TCP10L: variants seen among roughly 807,000 people sequenced by gnomAD.
The protein encoded by TCP10L is t-complex 10 like.
Under a neutral mutation model 19.2 loss-of-function variants are expected in TCP10L, and 11 were observed. The ratio of observed to expected loss-of-function variants is 0.57; its 90% CI spans 0.36 to 0.95. The LOEUF (loss-of-function observed/expected upper bound fraction) is 0.95. Among genes scored for constraint, TCP10L ranks in the 40% least tolerant of loss-of-function variants. The pLI is 0.01. For synonymous variants in TCP10L, 96 were observed against 97.2 expected, an observed-to-expected ratio of 0.99 and a Z score of 0.07; for missense variants, 247 against 263.9, an observed-to-expected ratio of 0.94 and a Z score of 0.44.
At chr21:32,580,958 C>A (rs1313298436) in intron 3 of TCP10L, among the ~76,000 whole-genome samples, 2 of 152,200 alleles carry the variant, frequency 1.3e-5, no homozygotes, top group East Asian at 3.8e-4. Context: ...GAACGGGGTC[C>A]CTGGCTAGGG....
intron 4 of TCP10L, 78 bp from the exon 5 acceptor site, chr21:32,577,001 G>A: frequency 7.1e-7 from 1 of 1,413,710 alleles, no homozygotes; most frequent in Non-Finnish European, 9.7e-7. Context: ...CATCATACCA[G>A]CTATCACAGA....
In TCP10L at chr21:32,576,325, TG is replaced by T; in HGVS notation, c.*448del. 6.6e-7 allele frequency: 1 copy of T among 1,524,624 alleles called. No homozygotes were observed. The highest frequency in any genetic ancestry group is 9.0e-7 in the Non-Finnish European group (1 of 1,112,802). 94.4% of individuals were successfully genotyped at this position (1,524,624 alleles called of 1,614,324 possible). ...ACTTCGGGAAGATGGATGCATAGCC[TG>T]GGGCAATGACAGTCACAGGCCCGCC... On this transcript the variant is annotated 3_prime_UTR_variant, in exon 5 of 5. Coordinates refer to ENST00000300258, the MANE Select transcript of TCP10L (RefSeq NM_144659.7).
chr21:32,580,099 T>TTTTG (rs978393061), intron 3 of TCP10L, among the ~76,000 whole-genome samples: 1 of 152,076 alleles, frequency 6.6e-6, no homozygotes, highest in Non-Finnish European at 1.5e-5. Flanking sequence ...TGGCAGTTTT[T>TTTTG]TTTGTTTGTT....
At position 32,574,540 on chromosome 21, in the gene TCP10L, C is replaced by T. The variant is rs1340516416; in HGVS notation, c.*2234G>A. On this transcript the variant is annotated 3_prime_UTR_variant, in exon 5 of 5. Coordinates refer to ENST00000300258, the MANE Select transcript of TCP10L (RefSeq NM_144659.7). The stretch of plus-strand genomic sequence containing the variant: ...TCAGGTCTCCCTCAGGGGAACCTGG[C>T]GGGCCACCCTTGCAGAAGCCACTCA... 3.0e-5 allele frequency: 5 copies of T among 167,280 alleles called. No homozygotes were observed. Among genetic ancestry groups the T allele is most frequent in the Admixed American group, 1.3e-4 (2 of 15,300 alleles). The allele number at this position is 167,280 out of a possible 1,614,324, so 10.4% of individuals were successfully genotyped here.
At chr21:32,581,908 T>A (rs1276801266) in intron 3 of TCP10L, among the ~76,000 whole-genome samples, 1 of 152,172 alleles carries the variant, frequency 6.6e-6, no homozygotes, top group African/African-American at 2.4e-5. Flanking sequence ...AGTAAGGGTT[T>A]GCTGCTGTTG....
Position 32,578,479 on chromosome 21 carries a change from C to T in TCP10L, c.498+215G>A, listed in dbSNP as rs554342585. Among the ~76,000 whole-genome samples the T allele has an allele frequency of 5.3e-5, 8 of 152,304 alleles. No homozygotes were observed. Among genetic ancestry groups the T allele is most frequent in the South Asian group, 2.1e-4 (1 of 4,826 alleles). ...GTGAGTGTACTCAGAGGGAAGCAGCCGGGAGGACTTGGAATCTGCTCCACA... is the reference window on the plus strand; with the variant it reads ...GTGAGTGTACTCAGAGGGAAGCAGCTGGGAGGACTTGGAATCTGCTCCACA... On this transcript the variant is annotated intron_variant, in intron 4 of 4. Coordinates refer to ENST00000300258, the MANE Select transcript of TCP10L (RefSeq NM_144659.7). This position sits in a 1 kb window ranked among gnomAD's most constrained non-coding sequence, Gnocchi z 4.2.
intron 3 of TCP10L, among the ~76,000 whole-genome samples, chr21:32,580,220 C>T (rs879590308): frequency 6.6e-6 from 1 of 152,142 alleles, no homozygotes; most frequent in African/African-American, 2.4e-5. Flanking sequence ...ATTCTCCAGC[C>T]TCAGCCTCCC....
In TCP10L at chr21:32,578,742, G is replaced by C; in HGVS notation, c.450C>G (p.Ala150=). The C allele has an allele frequency of 6.2e-7, 1 of 1,614,152 alleles. No homozygotes were observed. Among genetic ancestry groups the C allele is most frequent in the Non-Finnish European group, 8.5e-7 (1 of 1,180,022 alleles). Residue 150 remains alanine (A), a synonymous_variant, in exon 4 of 5, where the codon GCC becomes GCG. Coordinates refer to ENST00000300258, the MANE Select transcript of TCP10L (RefSeq NM_144659.7). The surrounding 1 kb of genome is among the most constrained non-coding windows in gnomAD (Gnocchi z 4.2). ...ATGACGATCTTTGTCCCAGGAGAGTGGCACTCTGATTCTTGTGGCCAGCGT... is the reference window on the plus strand; with the variant it reads ...ATGACGATCTTTGTCCCAGGAGAGTCGCACTCTGATTCTTGTGGCCAGCGT... ...PKYAGHKNQS[A]TLLGQRSSSN...
At position 32,578,236 on chromosome 21, in the gene TCP10L, G is replaced by C. The variant is rs1389987933; in HGVS notation, c.498+458C>G. 1.3e-5 allele frequency among the ~76,000 whole-genome samples: 2 copies of C among 152,228 alleles called. No homozygotes were observed. Among genetic ancestry groups the C allele is most frequent in the Non-Finnish European group, 2.9e-5 (2 of 68,038 alleles). ...CCAACAAGAGACAAAATAGCATCCT[G>C]TACTGTGGCTCCCAAGCTAACAGCG... is the stretch of plus-strand genomic sequence containing the variant. On this transcript the variant is annotated intron_variant, in intron 4 of 4. Transcript: ENST00000300258. The surrounding 1 kb of genome is among the most constrained non-coding windows in gnomAD (Gnocchi z 4.2).
At chr21:32,583,980 G>A (rs577536170) in intron 2 of TCP10L, among the ~76,000 whole-genome samples, 181 bp downstream of exon 2, 60 of 152,348 alleles carry the variant, frequency 3.9e-4, no homozygotes, top group African/African-American at 1.4e-3. Context: ...TCCACCAAGA[G>A]ATACGGTTGC....
Position 32,582,364 on chromosome 21 carries a change from A to G in TCP10L, c.196T>C (p.Ser66Pro). Reference protein sequence around the residue: ...RLHQELGRQKSLWADVHGKLR... With the variant: ...RLHQELGRQKPLWADVHGKLR... ...TTTCCATGAACATCAGCCCACAGAG[A>G]CTTCTGTCTCCCAAGCTCTTGGTGG... Residue 66 changes from serine (S) to proline (P), a missense_variant, in exon 3 of 5, where the codon TCT (serine) becomes CCT (proline). Physicochemically the swap from Ser to Pro is moderately conservative, Grantham distance 74. Transcript: ENST00000300258. The surrounding 1 kb of genome is among the most constrained non-coding windows in gnomAD (Gnocchi z 4.2). The G allele has an allele frequency of 6.2e-7, 1 of 1,613,322 alleles. No individual in the cohort carries two copies. The highest frequency in any genetic ancestry group is 8.5e-7 in the Non-Finnish European group (1 of 1,179,812).
chr21:32,576,960 C>T, intron 4 of TCP10L, 37 bp from the exon 5 acceptor site: 1 of 1,584,466 alleles, frequency 6.3e-7, no homozygotes, highest in African/African-American at 1.4e-5. Flanking sequence ...GCATTAGTAA[C>T]AATTATATTA....
chr21:32,580,735 A>G (rs2038484422), intron 3 of TCP10L, among the ~76,000 whole-genome samples: 1 of 152,220 alleles, frequency 6.6e-6, no homozygotes, highest in South Asian at 2.1e-4. Flanking sequence ...CAGGAAACAG[A>G]ACCCAGACAA....
intron 4 of TCP10L, among the ~76,000 whole-genome samples, chr21:32,577,896 A>C (rs2038452359): frequency 6.6e-6 from 1 of 152,228 alleles, no homozygotes; most frequent in Non-Finnish European, 1.5e-5. Context: ...GTTTCTATAG[A>C]TTATAGATTA....
In TCP10L at chr21:32,581,643, C is replaced by T. The variant is rs145962098; in HGVS notation, c.360+557G>A. Among the ~76,000 whole-genome samples, 1,106 of 152,286 alleles carry T rather than the reference C, an allele frequency of 7.3e-3. 51 individuals are homozygous for T. The highest frequency in any genetic ancestry group is 0.064 in the Admixed American group (974 of 15,302). The stretch of plus-strand genomic sequence containing the variant: ...CCAAAGAAGCGAGCCACACCCCCAT[C>T]GCACACCCTGCGAGGGGGACAAGGG... On this transcript the variant is annotated intron_variant, in intron 3 of 4. Coordinates refer to ENST00000300258, the MANE Select transcript of TCP10L (RefSeq NM_144659.7).
Position 32,574,365 on chromosome 21 carries a change from A to G in TCP10L, c.*2409T>C, listed in dbSNP as rs1347220599. On this transcript the variant is annotated 3_prime_UTR_variant, in exon 5 of 5. Coordinates refer to ENST00000300258, the MANE Select transcript of TCP10L (RefSeq NM_144659.7). ...TGCTAAATGCAACCAACTTAAATCT[A>G]TAAAAGAAAGTCTCTGTTTGAAAGG... is the stretch of plus-strand genomic sequence containing the variant. Among the ~76,000 whole-genome samples, 1 of 152,236 alleles carries G rather than the reference A, an allele frequency of 6.6e-6. No individual in the cohort carries two copies. The highest frequency in any genetic ancestry group is 2.4e-5 in the African/African-American group (1 of 41,462).
rs200746197 is a variant in TCP10L, at chr21:32,576,916, C to T, written c.506G>A (p.Ser169Asn). The change falls in exon 5 of 5, where the codon AGT becomes AAT. Residue 169 changes from serine (S) to asparagine (N), a missense_variant. Coordinates refer to ENST00000300258, the MANE Select transcript of TCP10L (RefSeq NM_144659.7). The part of the protein sequence containing the change: ...SNNSAPPKPM[S>N]LKIERISSWK... Reference sequence around the variant, plus strand: ...CGAGCTAATTCTTTCTATCTTTAAACTCATTGGCTGAAAACAAATGTGGGA... The same window carrying T: ...CGAGCTAATTCTTTCTATCTTTAAATTCATTGGCTGAAAACAAATGTGGGA... The T allele has an allele frequency of 1.9e-6, 3 of 1,608,494 alleles. No individual in the cohort carries two copies. The highest frequency in any genetic ancestry group is 2.7e-5 in the African/African-American group (2 of 74,664).
chr21:32,578,771 T>A lies in TCP10L; in HGVS notation c.421A>T (p.Lys141Ter), dbSNP rs368515481. Reference sequence around the variant, plus strand: ...CTCTGATTCTTGTGGCCAGCGTATTTGGGTATTGTCTCTTCATCAGCTGAC... The same window carrying A: ...CTCTGATTCTTGTGGCCAGCGTATTAGGGTATTGTCTCTTCATCAGCTGAC... ...PLSADEETIP[K>*]YAGHKNQSAT... is the part of the protein sequence containing the mutation. Residue 141 changes from lysine (K) to a stop codon, truncating the protein, a stop_gained, in exon 4 of 5, where the codon AAA (lysine) becomes TAA (stop). Transcript: ENST00000300258. LOFTEE classifies it high-confidence loss of function. The surrounding 1 kb of genome is among the most constrained non-coding windows in gnomAD (Gnocchi z 4.2). The A allele has an allele frequency of 2.0e-5, 32 of 1,614,090 alleles. No homozygotes were observed. The highest frequency in any genetic ancestry group is 2.6e-5 in the Non-Finnish European group (31 of 1,180,044).
In TCP10L at chr21:32,582,163, C is replaced by G. The variant is rs142055069; in HGVS notation, c.360+37G>C. On this transcript the variant is annotated intron_variant, in intron 3 of 4. Transcript: ENST00000300258. The surrounding 1 kb of genome is among the most constrained non-coding windows in gnomAD (Gnocchi z 4.2). ...TTATGGGGACGCTATTTTTACATAA[C>G]GCAAACGGTACAAAAACATAAATGC... 10 of 1,606,194 alleles carry G rather than the reference C, an allele frequency of 6.2e-6. No homozygotes were observed. The South Asian group carries it at 1.0e-4, about 16-fold the overall frequency.
Sources: allele counts gnomAD v4.1 joint callset (sites outside exome capture counted in the v4.1 genomes callset), GRCh38; gene constraint gnomAD v4.1.1; non-coding constraint Gnocchi (gnomAD v3.1); transcripts MANE v1.5; gene names NCBI Gene and HGNC (gene_info 2026-07-23, HGNC 2026-07-21).